NEURL1B: variants seen among roughly 807,000 people sequenced by gnomAD.
NEURL1B encodes the protein neuralized E3 ubiquitin protein ligase 1B, also known as E3 ubiquitin-protein ligase NEURL1B.
Under a neutral mutation model 37.4 loss-of-function variants are expected in NEURL1B, and 13 were observed. That is an observed-to-expected ratio of 0.35 (90% CI 0.23 to 0.55). The LOEUF is 0.55. Among genes scored for constraint, NEURL1B ranks in the 20% least tolerant of loss-of-function variants. The pLI, the probability that NEURL1B is intolerant of heterozygous loss-of-function variation, is 0.89. For synonymous variants in NEURL1B, 432 were observed against 426.6 expected (o/e 1.01, Z -0.16); for missense variants, 790 against 879.2 (o/e 0.90, Z 1.28).
At chr5:172,663,520 CAAAAA>C (rs34033673) in intron 1 of NEURL1B, among the ~76,000 whole-genome samples, 10 of 111,058 alleles carry the variant, frequency 9.0e-5, no homozygotes, top group East Asian at 8.3e-4. Flanking sequence ...GACTCCATCT[CAAAAA>C]AAAAAAAAAA....
chr5:172,686,855 G>A lies in NEURL1B; in HGVS notation c.1598G>A (p.Arg533Gln), dbSNP rs1758512661. 16 of 1,550,668 alleles carry A rather than the reference G, an allele frequency of 1.0e-5. No homozygotes were observed. The highest frequency in any genetic ancestry group is 1.7e-4 in the Middle Eastern group (1 of 6,012). Residue 533 changes from arginine (R) to glutamine (Q), a missense_variant, in exon 5 of 5, where the codon CGA becomes CAA. Coordinates refer to ENST00000369800, the MANE Select transcript of NEURL1B (RefSeq NM_001142651.3). The surrounding 1 kb of genome is among the most constrained non-coding windows in gnomAD (Gnocchi z 7.9). ...CACAGCTGCGGCCTGCGGCTCAAGC[G>A]ACAGGCCCGGGCCTGCTGCCCCATC... is the stretch of plus-strand genomic sequence containing the variant. ...LCHSCGLRLK[R>Q]QARACCPICR...
chr5:172,660,823 A>G (rs1157494837), intron 1 of NEURL1B, among the ~76,000 whole-genome samples: 1 of 152,118 alleles, frequency 6.6e-6, no homozygotes, highest in Non-Finnish European at 1.5e-5. Flanking sequence ...TATTTTTAGC[A>G]AAGGCAGGGT....
At chr5:172,677,420 A>G (rs1758251713) in intron 2 of NEURL1B, among the ~76,000 whole-genome samples, 1 of 151,898 alleles carries the variant, frequency 6.6e-6, no homozygotes, top group Non-Finnish European at 1.5e-5. Flanking sequence ...AATCTTCCCC[A>G]CAGGCCACTA....
intron 1 of NEURL1B, among the ~76,000 whole-genome samples, chr5:172,663,829 T>TTTA (rs60738970): frequency 0.034 from 4,757 of 140,780 alleles, 198 homozygotes; most frequent in East Asian, 0.086. Context: ...GTTTTATTTG[T>TTTA]TTATTATTAT....
chr5:172,663,803 C>T (rs1227428159), intron 1 of NEURL1B, among the ~76,000 whole-genome samples: 2 of 78,754 alleles, frequency 2.5e-5, no homozygotes, highest in Non-Finnish European at 6.1e-5. Flanking sequence ...TTGGGGACCT[C>T]TTCCTGGCAA....
Position 172,676,406 on chromosome 5 carries a change from G to A in NEURL1B, c.577+6076G>A, listed in dbSNP as rs902558392. 2.6e-5 allele frequency among the ~76,000 whole-genome samples: 4 copies of A among 152,344 alleles called. No homozygotes were observed. Among genetic ancestry groups the A allele is most frequent in the Admixed American group, 2.6e-4 (4 of 15,306 alleles). Reference sequence around the variant, plus strand: ...GCTTAACAAATCCAACAGAAGAGCTGCTTTCCTAGAAGTCTGCCTGTCATC... The same window carrying A: ...GCTTAACAAATCCAACAGAAGAGCTACTTTCCTAGAAGTCTGCCTGTCATC... On this transcript the variant is annotated intron_variant, in intron 2 of 4. Transcript: ENST00000369800. This position sits in a 1 kb window ranked among gnomAD's most constrained non-coding sequence, Gnocchi z 4.5.
chr5:172,684,152 C>T lies in NEURL1B; in HGVS notation c.1297+14C>T, dbSNP rs1344164508. On this transcript the variant is annotated intron_variant, in intron 3 of 4. Transcript: ENST00000369800. ...TGCGTCTCCTCGGTGAGTCCCCGGC[C>T]CCGCGTGCGCGAGGCCCCGCCCCTC... is the stretch of plus-strand genomic sequence containing the variant. 2.4e-6 allele frequency: 3 copies of T among 1,228,006 alleles called. No homozygotes were observed. Among genetic ancestry groups the T allele is most frequent in the East Asian group, 3.4e-5 (1 of 29,572 alleles). The allele number at this position is 1,228,006 out of a possible 1,614,324, so 76.1% of individuals were successfully genotyped here. A position where few individuals can be genotyped will look rare whatever the true frequency, so the allele number is the denominator to read the frequency against.
intron 1 of NEURL1B, among the ~76,000 whole-genome samples, chr5:172,659,697 C>T (rs990282651): frequency 1.3e-5 from 2 of 152,132 alleles, no homozygotes; most frequent in Admixed American, 1.3e-4. Context: ...CCCTGCATGG[C>T]CTTTAAGACC....
intron 1 of NEURL1B, among the ~76,000 whole-genome samples, chr5:172,664,123 TAAGA>T (rs906695269): frequency 2.6e-5 from 4 of 152,134 alleles, no homozygotes; most frequent in Non-Finnish European, 5.9e-5. Context: ...ACTCTGATGG[TAAGA>T]AAGTTAGGAA....
At chr5:172,674,476 C>CT (rs1758190489) in intron 2 of NEURL1B, among the ~76,000 whole-genome samples, 1 of 152,070 alleles carries the variant, frequency 6.6e-6, no homozygotes, top group African/African-American at 2.4e-5. Flanking sequence ...CCAAGACGGT[C>CT]AGTGGCAGAG....
At chr5:172,656,191 G>C (rs1277430298) in intron 1 of NEURL1B, among the ~76,000 whole-genome samples, 1 of 152,148 alleles carries the variant, frequency 6.6e-6, no homozygotes. Context: ...GGCAGAGCAG[G>C]TAGCAGGTAA....
chr5:172,681,347 T>G (rs1213480284), intron 2 of NEURL1B, among the ~76,000 whole-genome samples: 1 of 152,236 alleles, frequency 6.6e-6, no homozygotes, highest in Non-Finnish European at 1.5e-5. Flanking sequence ...ATTTTGTCTC[T>G]CCATCACTTG....
At chr5:172,673,355 G>C (rs1357836423) in intron 2 of NEURL1B, among the ~76,000 whole-genome samples, 1 of 152,116 alleles carries the variant, frequency 6.6e-6, no homozygotes, top group Non-Finnish European at 1.5e-5. Flanking sequence ...GTGCTATCCT[G>C]AGCACTCTGA....
chr5:172,668,347 CCTTAT>C (rs1758054013), intron 1 of NEURL1B, among the ~76,000 whole-genome samples: 1 of 152,124 alleles, frequency 6.6e-6, no homozygotes, highest in Non-Finnish European at 1.5e-5. Flanking sequence ...CTTTTTTATT[CCTTAT>C]ATTTTGTCTT....
intron 3 of NEURL1B, among the ~76,000 whole-genome samples, chr5:172,684,495 G>GA: frequency 1.3e-5 from 2 of 152,198 alleles, no homozygotes; most frequent in African/African-American, 4.8e-5. Flanking sequence ...TCGGTAAATG[G>GA]TCGGTGCGAT....
chr5:172,667,724 C>A (rs1758043344), intron 1 of NEURL1B, among the ~76,000 whole-genome samples: 2 of 152,144 alleles, frequency 1.3e-5, no homozygotes, highest in Admixed American at 6.5e-5. Flanking sequence ...CGCCTCCCAG[C>A]AGTCCACTGT....
intron 1 of NEURL1B, among the ~76,000 whole-genome samples, chr5:172,663,981 G>C (rs934333240): frequency 7.2e-5 from 11 of 151,748 alleles, no homozygotes; most frequent in Non-Finnish European, 1.3e-4. Flanking sequence ...GAAGGGTGGG[G>C]GACATTTGGC....
At chr5:172,678,172 A>G (rs766811146) in intron 2 of NEURL1B, among the ~76,000 whole-genome samples, 12 of 151,646 alleles carry the variant, frequency 7.9e-5, no homozygotes, top group Non-Finnish European at 8.8e-5. Flanking sequence ...CCATGGTTCT[A>G]TCCTGGGCCC....
At chr5:172,656,958 C>T (rs1196496472) in intron 1 of NEURL1B, among the ~76,000 whole-genome samples, 1 of 152,128 alleles carries the variant, frequency 6.6e-6, no homozygotes, top group East Asian at 1.9e-4. Context: ...TGGCCATTAC[C>T]TTTTTTCCTT....
Sources: allele counts gnomAD v4.1 joint callset (sites outside exome capture counted in the v4.1 genomes callset), GRCh38; gene constraint gnomAD v4.1.1; non-coding constraint Gnocchi (gnomAD v3.1); transcripts MANE v1.5; gene names NCBI Gene and HGNC (gene_info 2026-07-23, HGNC 2026-07-21).